CLIC3: variants seen among roughly 807,000 people sequenced by gnomAD.
CLIC3 encodes CLIC family member 3, also known as chloride intracellular channel protein 3.
A neutral mutation model predicts 19.9 loss-of-function variants in CLIC3; 29 were observed. The ratio of observed to expected loss-of-function variants is 1.46; its 90% CI spans 1.09 to 1.99. The LOEUF (loss-of-function observed/expected upper bound fraction) is 1.99. Among genes scored for constraint, CLIC3 ranks in the 30% most tolerant of loss-of-function variants. The pLI, the probability that CLIC3 is intolerant of heterozygous loss-of-function variation, is 0.00. For missense variants in CLIC3, 365 were observed against 342.6 expected, an observed-to-expected ratio of 1.07 and a Z score of -0.52; for synonymous variants, 143 against 156.4, an observed-to-expected ratio of 0.91 and a Z score of 0.64.
At chr9:136,994,898 C>CCG in intron 5 of CLIC3, 32 bp downstream of exon 5, 13 of 1,467,978 alleles carry the variant, frequency 8.9e-6, no homozygotes, top group Non-Finnish European at 1.2e-5. Flanking sequence ...GCGCCGCGGT[C>CCG]ACCCTCCCGC....
Position 136,995,262 on chromosome 9 carries a change from C to T in CLIC3, c.300G>A (p.Glu100=), listed in dbSNP as rs780262569. 4.3e-6 allele frequency: 7 copies of T among 1,612,730 alleles called. No homozygotes were observed. The highest frequency in any genetic ancestry group is 2.2e-5 in the East Asian group (1 of 44,866). Residue 100 remains glutamate (E), a synonymous_variant, in exon 4 of 6, where the codon GAG becomes GAA. Transcript: ENST00000494426. The stretch of plus-strand genomic sequence containing the variant: ...AAACGTCGTTGCCGGCGGTGTTGGA[C>T]TCCCTGTAACGAGGCGCCAGGCTGG... ...DFPSLAPRYR[E]SNTAGNDVFH...
rs755685266 is a variant in CLIC3, at chr9:136,995,188, T to G, written c.374A>C (p.Glu125Ala). 1 of 1,612,000 alleles carries G rather than the reference T, an allele frequency of 6.2e-7. No homozygotes were observed. The highest frequency in any genetic ancestry group is 8.5e-7 in the Non-Finnish European group (1 of 1,179,552). The change falls in exon 4 of 6, where the codon GAA becomes GCA. Residue 125 changes from glutamate (E) to alanine (A), a missense_variant and splice_region_variant. Glu to Ala is a moderately radical substitution (Grantham distance 107, BLOSUM62 -1). Transcript: ENST00000494426. The part of the protein sequence containing the change: ...FIKNPVPAQD[E>A]ALYQQLLRAL... ...CCGACCCCCTGACCCCGCTTCACCT[T>G]CGTCCTGCGCGGGCACCGGGTTCTT...
In CLIC3 at chr9:136,994,834, C is replaced by A; in HGVS notation, c.558G>T (p.Val186=). ...TGGGCGCCTGGCGGAAGTGCGCGCA[C>A]ACCGTCTGCGGGCAGGATCGCGGGG... ...LLPKLHIVDT[V]CAHFRQAPIP... is the part of the protein sequence containing the mutation. Residue 186 remains valine (V), a synonymous_variant, in exon 6 of 6, where the codon GTG becomes GTT. Transcript: ENST00000494426. 1 of 1,560,876 alleles carries A rather than the reference C, an allele frequency of 6.4e-7. No individual in the cohort carries two copies.
rs530577870 is a variant in CLIC3 at position 136,995,777 on chromosome 9, G to T, written c.34-20C>A. ...ACTCGCCTGGGTGGGTGGAGCGGGG[G>T]TGGGGGGTCAGGGCTGGAAGCAGAC... On this transcript the variant is annotated intron_variant, in intron 1 of 5. Coordinates refer to ENST00000494426, the MANE Select transcript of CLIC3 (RefSeq NM_004669.3). 21 of 1,489,806 alleles carry T rather than the reference G, an allele frequency of 1.4e-5. No homozygotes were observed. Among genetic ancestry groups the T allele is most frequent in the Non-Finnish European group, 1.9e-5 (21 of 1,097,934 alleles). The allele number at this position is 1,489,806 out of a possible 1,614,324, so 92.3% of individuals were successfully genotyped here. A position where few individuals can be genotyped will look rare whatever the true frequency, so the allele number is the denominator to read the frequency against.
chr9:136,995,681 A>G lies in CLIC3; in HGVS notation c.110T>C (p.Val37Ala), dbSNP rs1830693960. 11 of 1,609,470 alleles carry G rather than the reference A, an allele frequency of 6.8e-6. No homozygotes were observed. Among genetic ancestry groups the G allele is most frequent in the Non-Finnish European group, 9.3e-6 (11 of 1,178,718 alleles). ...GTCCACCGTGGTGAGGGTGAAAGGT[A>G]CGCCCTTGAGGAGCAGGACCATGAA... Reference protein sequence around the residue: ...RLFMVLLLKGVPFTLTTVDTR... With the variant: ...RLFMVLLLKGAPFTLTTVDTR... The change falls in exon 2 of 6, where the codon GTA becomes GCA. Residue 37 changes from valine to alanine, a missense_variant. By Grantham distance (64) the Val-to-Ala change is moderately conservative. Coordinates refer to ENST00000494426, the MANE Select transcript of CLIC3 (RefSeq NM_004669.3).
In CLIC3 at chr9:136,996,563, A is replaced by G; in HGVS notation, c.-20T>C. 1 of 1,552,042 alleles carries G rather than the reference A, an allele frequency of 6.4e-7. No homozygotes were observed. Among genetic ancestry groups the G allele is most frequent in the Non-Finnish European group, 8.7e-7 (1 of 1,147,422 alleles). On this transcript the variant is annotated 5_prime_UTR_variant, in exon 1 of 6. Coordinates refer to ENST00000494426, the MANE Select transcript of CLIC3 (RefSeq NM_004669.3). ...CGCCATGGTGGGAGCTGCCGCGGTC[A>G]GGCGCGGGTGGGGACCTGGGGAGCT...
At chr9:136,996,405 G>A in intron 1 of CLIC3, 106 bp downstream of exon 1, 1 of 1,049,888 alleles carries the variant, frequency 9.5e-7, no homozygotes, top group Non-Finnish European at 1.4e-6. Context: ...ACAGGAAGGG[G>A]CTCAGACATT....
At chr9:136,995,336 C>A (rs1830686592) in intron 3 of CLIC3, 44 bp from the exon 4 acceptor site, 2 of 1,608,752 alleles carry the variant, frequency 1.2e-6, no homozygotes, top group Admixed American at 1.7e-5. Context: ...GGGGGCAGCC[C>A]CGTCCCGGCC....
In CLIC3 at chr9:136,995,717, CAGG is replaced by C. The variant is rs1564203673; in HGVS notation, c.71_73del (p.Ser24del). On this transcript the variant is annotated inframe_deletion, in exon 2 of 6. Coordinates refer to ENST00000494426, the MANE Select transcript of CLIC3 (RefSeq NM_004669.3). ...GAGCAGGACCATGAAGAGCCGCTGGCAGGAGGGGCAGTGACCCACGCTCTCCCC... is the reference window on the plus strand; with the variant it reads ...GAGCAGGACCATGAAGAGCCGCTGGCAGGGGCAGTGACCCACGCTCTCCCC... The C allele has an allele frequency of 6.2e-7, 1 of 1,601,190 alleles. No individual in the cohort carries two copies. Among genetic ancestry groups the C allele is most frequent in the Admixed American group, 1.7e-5 (1 of 57,998 alleles).
Position 136,995,106 on chromosome 9 carries a change from C to T in CLIC3, c.377-1G>A, listed in dbSNP as rs748932687. ...GCGCGCAGCAGCTGCTGGTACAGGG[C>T]TAGGGGGCAGGCGGCGCGGTGAGGA... On this transcript the variant is annotated splice_acceptor_variant, in intron 4 of 5. Transcript: ENST00000494426. LOFTEE classifies it high-confidence loss of function. The T allele has an allele frequency of 3.9e-5, 60 of 1,555,340 alleles. No individual in the cohort carries two copies. Among genetic ancestry groups the T allele is most frequent in the Non-Finnish European group, 5.1e-5 (59 of 1,150,776 alleles).
rs1830702890 is a variant in CLIC3 at position 136,996,233 on chromosome 9, G to A, written c.33+278C>T. On this transcript the variant is annotated intron_variant, in intron 1 of 5. Transcript: ENST00000494426. The stretch of plus-strand genomic sequence containing the variant: ...CCGTAAGCTCCACTGTTGGCAGCCT[G>A]CTTGGTACCTCCCCACCAAGGAGCT... 1.3e-5 allele frequency among the ~76,000 whole-genome samples: 2 copies of A among 152,166 alleles called. No individual in the cohort carries two copies. The highest frequency in any genetic ancestry group is 4.1e-4 in the South Asian group (2 of 4,826).
rs1192466554 is a variant in CLIC3, at chr9:136,995,689, G to A, written c.102C>T (p.Leu34=). 16 of 1,608,648 alleles carry A rather than the reference G, an allele frequency of 9.9e-6. No homozygotes were observed. Among genetic ancestry groups the A allele is most frequent in the Non-Finnish European group, 1.4e-5 (16 of 1,178,376 alleles). Residue 34 remains leucine (L), a synonymous_variant, in exon 2 of 6, where the codon CTC becomes CTT. Coordinates refer to ENST00000494426, the MANE Select transcript of CLIC3 (RefSeq NM_004669.3). The part of the protein sequence containing the change: ...SCQRLFMVLL[L]KGVPFTLTTV... ...TGGTGAGGGTGAAAGGTACGCCCTTGAGGAGCAGGACCATGAAGAGCCGCT... is the reference window on the plus strand; with the variant it reads ...TGGTGAGGGTGAAAGGTACGCCCTTAAGGAGCAGGACCATGAAGAGCCGCT...
Position 136,994,765 on chromosome 9 carries a change from C to G in CLIC3, c.627G>C (p.Ala209=), listed in dbSNP as rs770630592. The change falls in exon 6 of 6, where the codon GCG becomes GCC. Residue 209 remains alanine, a synonymous_variant. Transcript: ENST00000494426. Reference sequence around the variant, plus strand: ...TGTATTTGAACTCTTTCTCCTGCATCGCGCTGTCCAGGTAGCGGCGTACGC... The same window carrying G: ...TGTATTTGAACTCTTTCTCCTGCATGGCGCTGTCCAGGTAGCGGCGTACGC... ...LRGVRRYLDS[A]MQEKEFKYTC... is the part of the protein sequence containing the mutation. 19 of 1,603,556 alleles carry G rather than the reference C, an allele frequency of 1.2e-5. No individual in the cohort carries two copies. Among genetic ancestry groups the G allele is most frequent in the Middle Eastern group, 1.7e-4 (1 of 5,824 alleles).
chr9:136,995,305 G>A lies in CLIC3; in HGVS notation c.270-13C>T. 2 of 1,611,040 alleles carry A rather than the reference G, an allele frequency of 1.2e-6. No homozygotes were observed. Among genetic ancestry groups the A allele is most frequent in the Non-Finnish European group, 8.5e-7 (1 of 1,178,540 alleles). On this transcript the variant is annotated splice_polypyrimidine_tract_variant and intron_variant, in intron 3 of 5. Transcript: ENST00000494426. ...CAGGCTGGGGAAGCTGCGGGATGAG[G>A]GGGTGGGACTCCATTAGACTGGGGG...
chr9:136,996,036 A>C (rs1005814757), intron 1 of CLIC3, among the ~76,000 whole-genome samples: 17 of 152,306 alleles, frequency 1.1e-4, no homozygotes, highest in Non-Finnish European at 1.6e-4. Context: ...CCCTGGGCTC[A>C]GTCCCCAAAA....
chr9:136,994,796 A>T lies in CLIC3; in HGVS notation c.596T>A (p.Leu199Gln). Reference protein sequence around the residue: ...HFRQAPIPAELRGVRRYLDSA... With the variant: ...HFRQAPIPAEQRGVRRYLDSA... ...GTCCAGGTAGCGGCGTACGCCGCGC[A>T]GCTCCGCGGGGATGGGCGCCTGGCG... is the stretch of plus-strand genomic sequence containing the variant. The change falls in exon 6 of 6, where the codon CTG becomes CAG. Residue 199 changes from leucine (L) to glutamine (Q), a missense_variant. Leu to Gln is a moderately radical substitution (Grantham distance 113). Coordinates refer to ENST00000494426, the MANE Select transcript of CLIC3 (RefSeq NM_004669.3). 1 of 1,591,334 alleles carries T rather than the reference A, an allele frequency of 6.3e-7. No individual in the cohort carries two copies. Among genetic ancestry groups the T allele is most frequent in the South Asian group, 1.1e-5 (1 of 88,126 alleles).
Position 136,994,932 on chromosome 9 carries a change from C to G in CLIC3, c.550G>C (p.Asp184His). Residue 184 changes from aspartate (D) to histidine (H), a missense_variant and splice_region_variant, in exon 5 of 6, where the codon GAC (aspartate) becomes CAC (histidine). Transcript: ENST00000494426. Reference sequence around the variant, plus strand: ...GCCCGCCCACCTTCCGTGCTCACGTCGACGATGTGCAGCTTGGGCAGGAGG... The same window carrying G: ...GCCCGCCCACCTTCCGTGCTCACGTGGACGATGTGCAGCTTGGGCAGGAGG... ...CSLLPKLHIV[D>H]TVCAHFRQAP... 1.4e-6 allele frequency: 2 copies of G among 1,454,044 alleles called. No individual in the cohort carries two copies. Among genetic ancestry groups the G allele is most frequent in the Non-Finnish European group, 1.8e-6 (2 of 1,100,776 alleles). The allele number at this position is 1,454,044 out of a possible 1,614,324, so 90.1% of individuals were successfully genotyped here.
Position 136,994,764 on chromosome 9 carries a change from T to G in CLIC3, c.628A>C (p.Met210Leu), listed in dbSNP as rs3188722. The G allele has an allele frequency of 4.0e-3, 6,443 of 1,604,134 alleles. 227 individuals carry two copies. In the African/African-American group the frequency reaches 0.073, roughly 18 times the overall value. The change falls in exon 6 of 6, where the codon ATG becomes CTG. Residue 210 changes from methionine to leucine, a missense_variant. By Grantham distance (15) the Met-to-Leu change is conservative. Coordinates refer to ENST00000494426, the MANE Select transcript of CLIC3 (RefSeq NM_004669.3). ...RGVRRYLDSA[M>L]QEKEFKYTCP... The stretch of plus-strand genomic sequence containing the variant: ...GTGTATTTGAACTCTTTCTCCTGCA[T>G]CGCGCTGTCCAGGTAGCGGCGTACG...
chr9:136,995,889 G>C (rs1400414168), intron 1 of CLIC3, 132 bp from the exon 2 acceptor site: 7 of 644,142 alleles, frequency 1.1e-5, no homozygotes, highest in Non-Finnish European at 1.6e-5. Context: ...CTTGGTCGGC[G>C]CGACTTCCAA....
Sources: allele counts gnomAD v4.1 joint callset (sites outside exome capture counted in the v4.1 genomes callset), GRCh38; gene constraint gnomAD v4.1.1; transcripts MANE v1.5; gene names NCBI Gene and HGNC (gene_info 2026-07-23, HGNC 2026-07-21).